The following PATJ variants were observed in gnomAD, a reference collection of about 807,000 sequenced individuals.
PATJ encodes the protein inaD-like protein.
A neutral mutation model predicts 224.9 loss-of-function variants in PATJ; 190 were observed. The observed-to-expected ratio is 0.84, with a 90% CI of 0.75 to 0.95. The LOEUF (loss-of-function observed/expected upper bound fraction) is 0.95, where lower values mean the gene tolerates loss of function less well. Among genes scored for constraint, PATJ ranks in the 40% least tolerant of loss-of-function variants. The pLI, the probability that PATJ is intolerant of heterozygous loss-of-function variation, is 0.00. For missense variants in PATJ, 2,121 were observed against 2,270.3 expected (o/e 0.93, Z 1.34); for synonymous variants, 769 against 820.3 (o/e 0.94, Z 1.07).
chr1:61,852,210 T>G (rs1298804677), intron 17 of PATJ, among the ~76,000 whole-genome samples: 2 of 151,718 alleles, frequency 1.3e-5, no homozygotes, highest in Non-Finnish European at 2.9e-5. Context: ...TTACAGTGTG[T>G]ATAATAATAT....
Position 61,908,420 on chromosome 1 carries a change from G to A in PATJ, c.3430G>A (p.Ala1144Thr). Residue 1144 changes from alanine to threonine, a missense_variant, in exon 25 of 44, where the codon GCC becomes ACC. Coordinates refer to ENST00000642238, the MANE Select transcript of PATJ (RefSeq NM_001350145.3). ...QNASHSEAVE[A>T]IKNAGNPVVF... ...TGCCTCACACAGCGAAGCAGTTGAG[G>A]CCATTAAGAATGCAGGAAACCCTGT... 1 of 1,613,996 alleles carries A rather than the reference G, an allele frequency of 6.2e-7. No homozygotes were observed. The highest frequency in any genetic ancestry group is 8.5e-7 in the Non-Finnish European group (1 of 1,179,932).
chr1:61,748,693 A>G (rs1423750828), intron 1 of PATJ, among the ~76,000 whole-genome samples: 3 of 152,086 alleles, frequency 2.0e-5, no homozygotes, highest in Non-Finnish European at 4.4e-5. Flanking sequence ...CTCTGCTACA[A>G]TAATTTAATT....
In PATJ at chr1:62,161,333, T is replaced by A; in HGVS notation, c.*279T>A. On this transcript the variant is annotated 3_prime_UTR_variant, in exon 44 of 44. Transcript: ENST00000642238. The stretch of plus-strand genomic sequence containing the variant: ...ATTTAATTTCAGTGTTCCGATTTCT[T>A]TTTTTTTTTTTTTTTTTTTTTTTGA... 5 of 37,346 alleles carry A rather than the reference T, an allele frequency of 1.3e-4. No homozygotes were observed. Among genetic ancestry groups the A allele is most frequent in the African/African-American group, 4.7e-4 (2 of 4,260 alleles). 2.3% of individuals were successfully genotyped at this position (37,346 alleles called of 1,614,324 possible). A position where few individuals can be genotyped will look rare whatever the true frequency, so the allele number is the denominator to read the frequency against.
chr1:62,030,518 A>AT (rs140461078), intron 29 of PATJ, among the ~76,000 whole-genome samples: 20,303 of 152,152 alleles, frequency 0.13, 1,570 homozygotes, highest in Middle Eastern at 0.26. Context: ...TCATGGATTT[A>AT]TTTTTAATTG....
chr1:61,969,109 G>C (rs1571565868), intron 27 of PATJ, among the ~76,000 whole-genome samples: 1 of 151,638 alleles, frequency 6.6e-6, no homozygotes, highest in African/African-American at 2.4e-5. Context: ...AGACCACTTT[G>C]TGTTTTTTTC....
chr1:61,778,232 T>C lies in PATJ; in HGVS notation c.849+2898T>C, dbSNP rs1013628020. 9.2e-5 allele frequency among the ~76,000 whole-genome samples: 14 copies of C among 152,270 alleles called. No homozygotes were observed. The East Asian group carries it at 2.3e-3, about 25-fold the overall frequency. On this transcript the variant is annotated intron_variant, in intron 7 of 43. Transcript: ENST00000642238. ...AGTCTCGCTTTGTTTCCCAGGCTGG[T>C]CTCAAACTCCTGGCCTGAAGCGATC...
Position 61,791,358 on chromosome 1 carries a change from T to A in PATJ, c.1079T>A (p.Leu360His). 6.2e-7 allele frequency: 1 copy of A among 1,607,014 alleles called. No individual in the cohort carries two copies. Among genetic ancestry groups the A allele is most frequent in the Non-Finnish European group, 8.5e-7 (1 of 1,174,154 alleles). The change falls in exon 9 of 44, where the codon CTT becomes CAT. Residue 360 changes from leucine (L) to histidine (H), a missense_variant. Coordinates refer to ENST00000642238, the MANE Select transcript of PATJ (RefSeq NM_001350145.3). ...GTTTTTTCCTTTTAGGACAGTTCTC[T>A]TTTTGAAACTTATAATGTTGAGCTT... is the stretch of plus-strand genomic sequence containing the variant. ...ASKGPGSDSS[L>H]FETYNVELVR...
At chr1:61,935,717 G>A (rs924634762) in intron 27 of PATJ, among the ~76,000 whole-genome samples, 1 of 151,994 alleles carries the variant, frequency 6.6e-6, no homozygotes, top group Admixed American at 6.6e-5. Flanking sequence ...GTTGAACCTG[G>A]GAGGTCAAGG....
rs1272606896 is a variant in PATJ at position 61,969,151 on chromosome 1, TC to T, written c.3671-21015del. On this transcript the variant is annotated intron_variant, in intron 27 of 43. Coordinates refer to ENST00000642238, the MANE Select transcript of PATJ (RefSeq NM_001350145.3). ...TCTGATGGTTGACCTTTGAGTTGCT[TC>T]CACCTCTTGACTATTGTGAATAGTG... Among the ~76,000 whole-genome samples, 7 of 152,236 alleles carry T rather than the reference TC, an allele frequency of 4.6e-5. No individual in the cohort carries two copies. The South Asian group carries it at 1.0e-3, about 22-fold the overall frequency.
At position 61,957,540 on chromosome 1, in the gene PATJ, A is replaced by G. The variant is rs146528968; in HGVS notation, c.3670+29711A>G. On this transcript the variant is annotated intron_variant, in intron 27 of 43. Transcript: ENST00000642238. The stretch of plus-strand genomic sequence containing the variant: ...TTCAGTGGTTTCTGAACTAATCTAT[A>G]ATATGATTTATGCATTGCACCATGT... Among the ~76,000 whole-genome samples, 118 of 152,242 alleles carry G rather than the reference A, an allele frequency of 7.8e-4. 2 individuals are homozygous for G. The East Asian group carries it at 0.021, about 27-fold the overall frequency.
Position 62,128,878 on chromosome 1 carries a change from T to C in PATJ, c.5204T>C (p.Leu1735Ser). ...ATTGTCAGCATTAACGGGCAACCTTTGGATGGGCTGTCTCACGCGGATGTG... is the reference window on the plus strand; with the variant it reads ...ATTGTCAGCATTAACGGGCAACCTTCGGATGGGCTGTCTCACGCGGATGTG... ...DRIVSINGQP[L>S]DGLSHADVVN... is the part of the protein sequence containing the mutation. The change falls in exon 41 of 44, where the codon TTG becomes TCG. Residue 1735 changes from leucine to serine, a missense_variant. Leu to Ser is a moderately radical substitution (Grantham distance 145). Transcript: ENST00000642238. 1 of 1,613,506 alleles carries C rather than the reference T, an allele frequency of 6.2e-7. No individual in the cohort carries two copies.
chr1:61,933,539 CAAAAA>C (rs796818712), intron 27 of PATJ, among the ~76,000 whole-genome samples: 1 of 71,884 alleles, frequency 1.4e-5, no homozygotes, highest in African/African-American at 4.0e-5. Flanking sequence ...GACTCCATCT[CAAAAA>C]AAAAAAAAAA....
chr1:61,886,316 A>G (rs1226410290), intron 22 of PATJ, among the ~76,000 whole-genome samples: 1 of 152,214 alleles, frequency 6.6e-6, no homozygotes, highest in Non-Finnish European at 1.5e-5. Context: ...GGAAGAGAAC[A>G]TTTTAACAAA....
rs1392455952 is a variant in PATJ, at chr1:62,086,868, G to A, written c.4377+2220G>A. ...AGCTGGCTGCTTTGGGTGCCGGCAG[G>A]AGCAGGCTCTGTGGGGTCCCCTCGG... On this transcript the variant is annotated intron_variant, in intron 33 of 43. Transcript: ENST00000642238. This position sits in a 1 kb window ranked among gnomAD's most constrained non-coding sequence, Gnocchi z 4.0. Among the ~76,000 whole-genome samples, 2 of 152,154 alleles carry A rather than the reference G, an allele frequency of 1.3e-5. No homozygotes were observed. The highest frequency in any genetic ancestry group is 4.1e-4 in the South Asian group (2 of 4,826).
intron 30 of PATJ, among the ~76,000 whole-genome samples, chr1:62,039,937 T>TG (rs915604125): frequency 1.3e-5 from 2 of 151,364 alleles, no homozygotes; most frequent in Non-Finnish European, 2.9e-5. Flanking sequence ...GTCTCCTGGT[T>TG]GGGGGGTGGG....
intron 41 of PATJ, among the ~76,000 whole-genome samples, chr1:62,130,942 A>C (rs1421520234): frequency 6.6e-6 from 1 of 152,202 alleles, no homozygotes; most frequent in Non-Finnish European, 1.5e-5. Flanking sequence ...CCAGACATTT[A>C]AAAAGTAAGT....
intron 41 of PATJ, among the ~76,000 whole-genome samples, chr1:62,139,757 TTTTTTTTTTTC>T (rs1667311415): frequency 6.7e-6 from 1 of 149,328 alleles, no homozygotes; most frequent in Admixed American, 6.7e-5. Flanking sequence ...AAGTCATTCT[TTTTTTTTTTTC>T]TTTTTTTTTG....
At chr1:61,868,681 C>T (rs554403390) in intron 20 of PATJ, among the ~76,000 whole-genome samples, 4 of 152,024 alleles carry the variant, frequency 2.6e-5, no homozygotes, top group East Asian at 1.9e-4. Flanking sequence ...TCCAGCTACT[C>T]GGGAGGCTGA....
At chr1:61,915,433 C>G (rs1054027747) in intron 26 of PATJ, among the ~76,000 whole-genome samples, 3 of 152,058 alleles carry the variant, frequency 2.0e-5, no homozygotes, top group African/African-American at 7.2e-5. Flanking sequence ...TGATAGAGCA[C>G]TTTCTTTTAT....
Sources: allele counts gnomAD v4.1 joint callset (sites outside exome capture counted in the v4.1 genomes callset), GRCh38; gene constraint gnomAD v4.1.1; non-coding constraint Gnocchi (gnomAD v3.1); transcripts MANE v1.5; gene names NCBI Gene and HGNC (gene_info 2026-07-23, HGNC 2026-07-21).